Variants in MACF1 observed in about 807,000 individuals in gnomAD.
The protein encoded by MACF1 is microtubule actin crosslinking factor 1.
MACF1 carries 193 observed loss-of-function variants against 854.8 expected under a neutral mutation model. The observed-to-expected ratio is 0.23, with a 90% CI of 0.20 to 0.25. The LOEUF (loss-of-function observed/expected upper bound fraction) is 0.25. MACF1 is among the 10% of genes least tolerant of loss of function. MACF1 has a pLI of 1.00. For synonymous variants in MACF1, 3,185 were observed against 3,226.7 expected, an observed-to-expected ratio of 0.99 and a Z score of 0.44; for missense variants, 7,722 against 8,929.1, an observed-to-expected ratio of 0.86 and a Z score of 5.45.
At chr1:39,372,681 T>A in intron 52 of MACF1, 85 bp downstream of exon 52, 3 of 907,578 alleles carry the variant, frequency 3.3e-6, no homozygotes, top group South Asian at 1.4e-5. Flanking sequence ...ATAATTAAAG[T>A]GAAAATCAAG....
chr1:39,370,752 C>G (rs1462442674), intron 51 of MACF1, among the ~76,000 whole-genome samples: 2 of 152,128 alleles, frequency 1.3e-5, no homozygotes, highest in Non-Finnish European at 2.9e-5. Context: ...GTGCCAGGAG[C>G]ATTTGCTGTT....
At chr1:39,436,934 G>A (rs530062357) in intron 70 of MACF1, among the ~76,000 whole-genome samples, 3 of 152,236 alleles carry the variant, frequency 2.0e-5, no homozygotes, top group South Asian at 4.1e-4. Flanking sequence ...TTATTCCAAC[G>A]TTTTTTCTCT....
chr1:39,378,424 G>A (rs1367262882), intron 52 of MACF1, 37 bp from the exon 53 acceptor site: 4 of 1,518,812 alleles, frequency 2.6e-6, no homozygotes, highest in Non-Finnish European at 3.7e-6. Flanking sequence ...CTAACACGTT[G>A]GTCTTGCCCT....
chr1:39,347,256 C>CCT, intron 41 of MACF1, 46 bp downstream of exon 41: 1 of 1,411,554 alleles, frequency 7.1e-7, no homozygotes, highest in African/African-American at 1.4e-5. Context: ...TTGGGGATGT[C>CCT]CTCTGTCATT....
intron 48 of MACF1, 21 bp downstream of exon 48, chr1:39,361,022 G>C (rs1272651852): frequency 6.2e-7 from 1 of 1,602,566 alleles, no homozygotes; most frequent in Non-Finnish European, 8.5e-7. Flanking sequence ...TGTCCCAAGA[G>C]CTAGCATAGA....
intron 2 of MACF1, among the ~76,000 whole-genome samples, chr1:39,087,140 G>A (rs1038963284): frequency 6.6e-6 from 1 of 152,242 alleles, no homozygotes. Context: ...ATGTCTGGGA[G>A]ACCCTGGATG....
chr1:39,143,954 A>AT (rs930054276), intron 2 of MACF1, among the ~76,000 whole-genome samples: 5 of 149,970 alleles, frequency 3.3e-5, no homozygotes, highest in African/African-American at 4.9e-5. Context: ...TGCCTAGCTA[A>AT]TTTTTTTTCA....
intron 6 of MACF1, among the ~76,000 whole-genome samples, chr1:39,281,158 T>C (rs1217063659): frequency 6.6e-6 from 1 of 152,210 alleles, no homozygotes; most frequent in African/African-American, 2.4e-5. Flanking sequence ...GTGCTGTATT[T>C]TGGAGATTTC....
chr1:39,331,448 C>A lies in MACF1; in HGVS notation c.4860C>A (p.Ala1620=). 6.2e-7 allele frequency: 1 copy of A among 1,614,084 alleles called. No homozygotes were observed. The highest frequency in any genetic ancestry group is 8.5e-7 in the Non-Finnish European group (1 of 1,179,996). ...QQLRELQDAL[A]LISRLTESRG... Reference sequence around the variant, plus strand: ...TCCGGGAGCTACAGGATGCCCTGGCCTTAATAAGCAGGCTTACTGAGAGCA... The same window carrying A: ...TCCGGGAGCTACAGGATGCCCTGGCATTAATAAGCAGGCTTACTGAGAGCA... Residue 1620 remains alanine (A), a synonymous_variant, in exon 37 of 101, where the codon GCC becomes GCA. Coordinates refer to ENST00000564288, the MANE Select transcript of MACF1 (RefSeq NM_001394062.1).
intron 1 of MACF1, among the ~76,000 whole-genome samples, chr1:39,210,063 C>T (rs1414844505): frequency 6.6e-6 from 1 of 151,258 alleles, no homozygotes; most frequent in Non-Finnish European, 1.5e-5. Context: ...GCATTCCAGC[C>T]TGGGCAACAG....
intron 36 of MACF1, among the ~76,000 whole-genome samples, chr1:39,330,342 C>G (rs920852716): frequency 6.6e-6 from 1 of 152,124 alleles, no homozygotes; most frequent in African/African-American, 2.4e-5. Context: ...TATACACAGG[C>G]CTGTTTACTG....
intron 2 of MACF1, among the ~76,000 whole-genome samples, chr1:39,247,043 A>G (rs545237757): frequency 6.7e-6 from 1 of 148,476 alleles, no homozygotes; most frequent in East Asian, 2.0e-4. Context: ...CTGGGATTAC[A>G]GGTGCATACC....
intron 2 of MACF1, among the ~76,000 whole-genome samples, chr1:39,088,273 G>A (rs1465938874): frequency 1.3e-5 from 2 of 151,892 alleles, no homozygotes; most frequent in African/African-American, 4.8e-5. Context: ...CGCCTGGCCC[G>A]AGATGGGGTT....
At chr1:39,298,008 C>T (rs115254123) in intron 21 of MACF1, among the ~76,000 whole-genome samples, 28 of 152,056 alleles carry the variant, frequency 1.8e-4, no homozygotes, top group South Asian at 6.2e-4. Flanking sequence ...CCACTTTGAG[C>T]TCATTGTACT....
chr1:39,399,016 C>CAT (rs1450178321), intron 58 of MACF1, among the ~76,000 whole-genome samples: 2 of 152,184 alleles, frequency 1.3e-5, no homozygotes, highest in African/African-American at 4.8e-5. Context: ...GGATAGCTAG[C>CAT]ATATACATAC....
chr1:39,414,664 C>G, intron 58 of MACF1: 1 of 865,072 alleles, frequency 1.2e-6, no homozygotes, highest in Non-Finnish European at 1.7e-6. Flanking sequence ...TGGTGAAAGA[C>G]TTTATAATTT....
intron 2 of MACF1, among the ~76,000 whole-genome samples, chr1:39,091,683 ACC>A (rs1641809796): frequency 1.3e-5 from 2 of 151,788 alleles, no homozygotes; most frequent in Admixed American, 1.3e-4. Context: ...TTTAGTAGAG[ACC>A]CATGGTGGGT....
At chr1:39,296,783 A>AG (rs1645917017) in intron 20 of MACF1, among the ~76,000 whole-genome samples, 1 of 69,162 alleles carries the variant, frequency 1.4e-5, no homozygotes, top group Admixed American at 1.5e-4. Flanking sequence ...AAAGAAAGAA[A>AG]GAAAGAAAGG....
chr1:39,402,089 A>C (rs1440185573), intron 58 of MACF1, among the ~76,000 whole-genome samples: 1 of 152,156 alleles, frequency 6.6e-6, no homozygotes, highest in Non-Finnish European at 1.5e-5. Flanking sequence ...GTGGGTGCCT[A>C]TAATTCCAGC....
Sources: allele counts gnomAD v4.1 joint callset (sites outside exome capture counted in the v4.1 genomes callset), GRCh38; gene constraint gnomAD v4.1.1; transcripts MANE v1.5; gene names NCBI Gene and HGNC (gene_info 2026-07-23, HGNC 2026-07-21).